The following MMP15 variants were observed in gnomAD, a reference collection of about 807,000 sequenced individuals.
The protein encoded by MMP15 is matrix metalloproteinase-15.
Under a neutral mutation model 65.0 loss-of-function variants are expected in MMP15, and 36 were observed. The observed-to-expected ratio is 0.55, with a 90% CI of 0.42 to 0.73. MMP15 has a LOEUF of 0.73. MMP15 is among the 30% of genes least tolerant of loss of function. MMP15 has a pLI of 0.00. For synonymous variants in MMP15, 428 were observed against 410.2 expected (o/e 1.04, Z -0.52); for missense variants, 870 against 987.8 (o/e 0.88, Z 1.60).
chr16:58,029,488 TCACTCCTCTC>T (rs1963867666), intron 1 of MMP15, among the ~76,000 whole-genome samples: 4 of 152,200 alleles, frequency 2.6e-5, no homozygotes, highest in Admixed American at 1.3e-4. Context: ...TAGTAGTAAA[TCACTCCTCTC>T]CATGCTCTGT....
At chr16:58,040,818 G>A in intron 5 of MMP15, 120 bp downstream of exon 5, 1 of 1,405,970 alleles carries the variant, frequency 7.1e-7, no homozygotes, top group South Asian at 1.2e-5. Context: ...GTGAGGATTA[G>A]TGACTTGCCC....
At chr16:58,041,957 G>A (rs1169704412) in intron 6 of MMP15, 87 bp downstream of exon 6, 2 of 1,450,990 alleles carry the variant, frequency 1.4e-6, no homozygotes, top group Admixed American at 2.6e-5. Context: ...GCAGGCCCCG[G>A]GGAGCCATTA....
rs577559678 is a variant in MMP15 at position 58,037,695 on chromosome 16, G to A, written c.311+75G>A. 3.8e-6 allele frequency: 6 copies of A among 1,587,444 alleles called. No homozygotes were observed. In the East Asian group the frequency reaches 1.1e-4, roughly 30 times the overall value. Reference sequence around the variant, plus strand: ...GCCTGCTCTCAAGAGGGCTCAGCATGTGGAGTTTCCAGAAAAGAGTGGCCT... The same window carrying A: ...GCCTGCTCTCAAGAGGGCTCAGCATATGGAGTTTCCAGAAAAGAGTGGCCT... On this transcript the variant is annotated intron_variant, in intron 2 of 9. Transcript: ENST00000219271.
At position 58,026,474 on chromosome 16, in the gene MMP15, C is replaced by A. The variant is rs867214100; in HGVS notation, c.124C>A (p.Leu42Ile). ...LLLVLLGCLG[L>I]GVAAEDAEVH... ...CCTGGTGCTTCTGGGCTGCCTGGGC[C>A]TTGGCGTAGCGGCCGAAGACGCGGA... is the stretch of plus-strand genomic sequence containing the variant. The change falls in exon 1 of 10, where the codon CTT (leucine) becomes ATT (isoleucine). Residue 42 changes from leucine (L) to isoleucine (I), a missense_variant. Coordinates refer to ENST00000219271, the MANE Select transcript of MMP15 (RefSeq NM_002428.4). 7.1e-7 allele frequency: 1 copy of A among 1,400,648 alleles called. No individual in the cohort carries two copies. The allele number at this position is 1,400,648 out of a possible 1,614,324, so 86.8% of individuals were successfully genotyped here. A position where few individuals can be genotyped will look rare whatever the true frequency, so the allele number is the denominator to read the frequency against.
Position 58,045,161 on chromosome 16 carries a change from G to T in MMP15, c.1725G>T (p.Pro575=). The T allele has an allele frequency of 1.3e-6, 2 of 1,595,734 alleles. No homozygotes were observed. The highest frequency in any genetic ancestry group is 8.5e-7 in the Non-Finnish European group (1 of 1,171,618). Residue 575 remains proline (P), a synonymous_variant, in exon 10 of 10, where the codon CCG becomes CCT. Transcript: ENST00000219271. ...CCCGATGGCCCGACGTGGCCCGGCC[G>T]CCCTTCAACCCCCACGGGGGTGCAG... ...PGPRWPDVAR[P]PFNPHGGAEP...
chr16:58,027,538 G>T (rs891445792), intron 1 of MMP15, among the ~76,000 whole-genome samples: 2 of 152,194 alleles, frequency 1.3e-5, no homozygotes, highest in African/African-American at 4.8e-5. Context: ...AGGCCTTGGT[G>T]CCCTTGGGCT....
chr16:58,041,867 C>G lies in MMP15; in HGVS notation c.1161C>G (p.Phe387Leu). Residue 387 changes from phenylalanine to leucine, a missense_variant, in exon 6 of 10, where the codon TTC becomes TTG. Coordinates refer to ENST00000219271, the MANE Select transcript of MMP15 (RefSeq NM_002428.4). ...TGCTTCGCGGGGAGATGTTCGTGTT[C>G]AAGGTCTGGCCCCGCCTCCCATGCC... Reference protein sequence around the residue: ...VAMLRGEMFVFKGRWFWRVRH... With the variant: ...VAMLRGEMFVLKGRWFWRVRH... 1 of 1,584,888 alleles carries G rather than the reference C, an allele frequency of 6.3e-7. No individual in the cohort carries two copies. The highest frequency in any genetic ancestry group is 1.3e-5 in the African/African-American group (1 of 74,474).
rs1293321408 is a variant in MMP15 at position 58,044,867 on chromosome 16, G to A, written c.1571-140G>A. 3.1e-6 allele frequency: 3 copies of A among 960,596 alleles called. No homozygotes were observed. The African/African-American group carries it at 4.9e-5, about 16-fold the overall frequency. 59.5% of individuals were successfully genotyped at this position (960,596 alleles called of 1,614,324 possible). On this transcript the variant is annotated intron_variant, in intron 9 of 9. Transcript: ENST00000219271. Reference sequence around the variant, plus strand: ...CCTCAGTCTGGCTCCTGCAAGTTGAGAAGGGGCAGATTTGAAAATACTCAG... The same window carrying A: ...CCTCAGTCTGGCTCCTGCAAGTTGAAAAGGGGCAGATTTGAAAATACTCAG...
At chr16:58,043,155 C>T in intron 7 of MMP15, 55 bp from the exon 8 acceptor site, 2 of 1,472,298 alleles carry the variant, frequency 1.4e-6, no homozygotes, top group South Asian at 1.4e-5. Context: ...TCTTTTCCCG[C>T]ACACACCCCT....
Position 58,041,849 on chromosome 16 carries a change from C to A in MMP15, c.1143C>A (p.Arg381=), listed in dbSNP as rs556753479. ...DGDFDTVAML[R]GEMFVFKGRW... is the part of the protein sequence containing the mutation. ...ACTTTGACACAGTGGCCATGCTTCGCGGGGAGATGTTCGTGTTCAAGGTCT... is the reference window on the plus strand; with the variant it reads ...ACTTTGACACAGTGGCCATGCTTCGAGGGGAGATGTTCGTGTTCAAGGTCT... Residue 381 remains arginine, a synonymous_variant, in exon 6 of 10, where the codon CGC becomes CGA. Coordinates refer to ENST00000219271, the MANE Select transcript of MMP15 (RefSeq NM_002428.4). 1.1e-5 allele frequency: 17 copies of A among 1,598,832 alleles called. No homozygotes were observed. Among genetic ancestry groups the A allele is most frequent in the Non-Finnish European group, 1.4e-5 (16 of 1,173,948 alleles).
In MMP15 at chr16:58,045,147, G is replaced by A. The variant is rs372389085; in HGVS notation, c.1711G>A (p.Asp571Asn). 66 of 1,599,216 alleles carry A rather than the reference G, an allele frequency of 4.1e-5. No homozygotes were observed. The highest frequency in any genetic ancestry group is 1.7e-4 in the African/African-American group (13 of 74,818). ...EHVEPGPRWP[D>N]VARPPFNPHG... Reference sequence around the variant, plus strand: ...CGTGGAGCCAGGCCCCCGATGGCCCGACGTGGCCCGGCCGCCCTTCAACCC... The same window carrying A: ...CGTGGAGCCAGGCCCCCGATGGCCCAACGTGGCCCGGCCGCCCTTCAACCC... Residue 571 changes from aspartate (D) to asparagine (N), a missense_variant, in exon 10 of 10, where the codon GAC becomes AAC. Transcript: ENST00000219271.
Position 58,029,438 on chromosome 16 carries a change from C to T in MMP15, c.162+2926C>T, listed in dbSNP as rs41491549. Among the ~76,000 whole-genome samples, 155 of 152,312 alleles carry T rather than the reference C, an allele frequency of 1.0e-3. 1 individual carries two copies. Among genetic ancestry groups the T allele is most frequent in the African/African-American group, 3.5e-3 (147 of 41,562 alleles). On this transcript the variant is annotated intron_variant, in intron 1 of 9. Transcript: ENST00000219271. Reference sequence around the variant, plus strand: ...AATCTGCAGAAGCTGAATCTTCTCCCCCTCCCCTCTTGTCTCTGCTTTTTA... The same window carrying T: ...AATCTGCAGAAGCTGAATCTTCTCCTCCTCCCCTCTTGTCTCTGCTTTTTA...
chr16:58,045,436 A>G lies in MMP15; in HGVS notation c.2000A>G (p.Glu667Gly), dbSNP rs575156922. Residue 667 changes from glutamate to glycine, a missense_variant, in exon 10 of 10, where the codon GAG (glutamate) becomes GGG (glycine). Transcript: ENST00000219271. ...CTTTACTGCAAGCGCTCGCTGCAGG[A>G]GTGGGTCTGACCACCCAGCGCTCCT... ...VLLYCKRSLQ[E>G]WV is the part of the protein sequence containing the mutation. The G allele has an allele frequency of 1.3e-6, 2 of 1,533,194 alleles. No individual in the cohort carries two copies. The highest frequency in any genetic ancestry group is 2.5e-5 in the South Asian group (2 of 80,898). 95.0% of individuals were successfully genotyped at this position (1,533,194 alleles called of 1,614,324 possible). A position where few individuals can be genotyped will look rare whatever the true frequency, so the allele number is the denominator to read the frequency against.
chr16:58,032,211 GCT>G (rs1963898517), intron 1 of MMP15, among the ~76,000 whole-genome samples: 1 of 152,180 alleles, frequency 6.6e-6, no homozygotes, highest in African/African-American at 2.4e-5. Context: ...CGCCATCGGC[GCT>G]CTCAACGCTG....
At position 58,045,303 on chromosome 16, in the gene MMP15, A is replaced by G. The variant is rs763008598; in HGVS notation, c.1867A>G (p.Thr623Ala). Residue 623 changes from threonine to alanine, a missense_variant, in exon 10 of 10, where the codon ACG becomes GCG. Coordinates refer to ENST00000219271, the MANE Select transcript of MMP15 (RefSeq NM_002428.4). ...VVVQMEEVARTVNVVMVLVPL... is the reference protein window; with the variant it reads ...VVVQMEEVARAVNVVMVLVPL... ...GGTGCAGATGGAGGAGGTGGCACGG[A>G]CGGTGAACGTGGTGATGGTGCTGGT... 1.2e-6 allele frequency: 2 copies of G among 1,610,550 alleles called. 1 individual carries two copies.
At chr16:58,033,509 G>A (rs896602174) in intron 1 of MMP15, among the ~76,000 whole-genome samples, 3 of 152,238 alleles carry the variant, frequency 2.0e-5, no homozygotes, top group African/African-American at 7.2e-5. Flanking sequence ...TCTCCTGTGT[G>A]CCAGGGGCCA....
Position 58,025,771 on chromosome 16 carries a change from C to T in MMP15, c.-580C>T, listed in dbSNP as rs1425802142. 1.3e-5 allele frequency: 2 copies of T among 151,816 alleles called. No homozygotes were observed. Among genetic ancestry groups the T allele is most frequent in the African/African-American group, 4.8e-5 (2 of 41,366 alleles). 9.4% of individuals were successfully genotyped at this position (151,816 alleles called of 1,614,324 possible). A position where few individuals can be genotyped will look rare whatever the true frequency, so the allele number is the denominator to read the frequency against. ...CGCGCGGGGAGGAGGGCTGGGAGCGCCCGGAGCCGCGCTGAACTCGCCGGG... is the reference window on the plus strand; with the variant it reads ...CGCGCGGGGAGGAGGGCTGGGAGCGTCCGGAGCCGCGCTGAACTCGCCGGG... On this transcript the variant is annotated 5_prime_UTR_variant, in exon 1 of 10. Transcript: ENST00000219271.
At chr16:58,026,773 AC>A (rs560373097) in intron 1 of MMP15, among the ~76,000 whole-genome samples, 7 of 150,902 alleles carry the variant, frequency 4.6e-5, no homozygotes, top group Admixed American at 1.3e-4. Flanking sequence ...CTGAGCCCCC[AC>A]CCCGACCCCC....
rs893873425 is a variant in MMP15 at position 58,046,149 on chromosome 16, A to C, written c.*703A>C. ...GGGCCCTGGGCCTGCCTCACCACGG[A>C]CCAAAGGGAGTCTGCCAGGGCCCCT... On this transcript the variant is annotated 3_prime_UTR_variant, in exon 10 of 10. Transcript: ENST00000219271. The C allele has an allele frequency of 2.0e-5, 3 of 152,644 alleles. No homozygotes were observed. Among genetic ancestry groups the C allele is most frequent in the African/African-American group, 7.3e-5 (3 of 41,344 alleles). 9.5% of individuals were successfully genotyped at this position (152,644 alleles called of 1,614,324 possible).
Sources: gnomAD v4.1 joint callset for allele counts (sites outside exome capture counted in the v4.1 genomes callset) on GRCh38, gnomAD v4.1.1 for gene constraint, MANE v1.5 for transcripts, NCBI Gene and HGNC (gene_info 2026-07-23, HGNC 2026-07-21) for gene names.